Variants in DBF4 observed in about 807,000 individuals in gnomAD.
DBF4 encodes the protein protein DBF4 homolog A.
A neutral mutation model predicts 76.6 loss-of-function variants in DBF4; 25 were observed. That is an observed-to-expected ratio of 0.33 (90% CI 0.24 to 0.46). The LOEUF (loss-of-function observed/expected upper bound fraction) is 0.46, where lower values mean the gene tolerates loss of function less well. Among genes scored for constraint, DBF4 ranks in the 20% least tolerant of loss-of-function variants. The pLI is 1.00. For missense variants in DBF4, 638 were observed against 760.8 expected (o/e 0.84, Z 1.90); for synonymous variants, 213 against 258.0 (o/e 0.83, Z 1.67).
chr7:87,899,429 A>G (rs1433595040), intron 8 of DBF4, among the ~76,000 whole-genome samples: 2 of 152,206 alleles, frequency 1.3e-5, no homozygotes, highest in Non-Finnish European at 2.9e-5. Context: ...AAACAACCCA[A>G]TTTTAAAAAG....
At position 87,899,644 on chromosome 7, in the gene DBF4, C is replaced by T. The variant is rs538077952; in HGVS notation, c.681-577C>T. Among the ~76,000 whole-genome samples, 3 of 152,276 alleles carry T rather than the reference C, an allele frequency of 2.0e-5. No individual in the cohort carries two copies. The East Asian group carries it at 5.8e-4, about 29-fold the overall frequency. ...GTCCATCAGCAAATTAATGGATAAACAGTATGCAGGATGTGTGTGTACACA... is the reference window on the plus strand; with the variant it reads ...GTCCATCAGCAAATTAATGGATAAATAGTATGCAGGATGTGTGTGTACACA... On this transcript the variant is annotated intron_variant, in intron 8 of 11. Transcript: ENST00000265728.
intron 8 of DBF4, among the ~76,000 whole-genome samples, chr7:87,899,187 G>A (rs79540736): frequency 0.093 from 14,153 of 152,130 alleles, 772 homozygotes; most frequent in African/African-American, 0.15. Context: ...TTTCCTGGAC[G>A]TGACACCAAA....
rs778897531 is a variant in DBF4, at chr7:87,907,601, C to T, written c.1463C>T (p.Ala488Val). The change falls in exon 12 of 12, where the codon GCA becomes GTA. Residue 488 changes from alanine (A) to valine (V), a missense_variant. Ala to Val is a moderately conservative substitution (Grantham distance 64). Transcript: ENST00000265728. ...GATCACTATAAATGTAACATACAGG[C>T]ATCTGTACATGTTTCTGATTTCAGT... ...RVDHYKCNIQ[A>V]SVHVSDFSTD... 4.3e-6 allele frequency: 7 copies of T among 1,613,974 alleles called. No individual in the cohort carries two copies. In the South Asian group the frequency reaches 7.7e-5, roughly 18 times the overall value.
intron 6 of DBF4, among the ~76,000 whole-genome samples, chr7:87,894,639 T>A (rs2131061994): frequency 6.6e-6 from 1 of 152,294 alleles, no homozygotes; most frequent in South Asian, 2.1e-4. Flanking sequence ...CACAAGGAAT[T>A]CTCTGAGATA....
intron 10 of DBF4, among the ~76,000 whole-genome samples, chr7:87,903,282 G>A (rs778151187): frequency 6.6e-6 from 1 of 152,136 alleles, no homozygotes; most frequent in Non-Finnish European, 1.5e-5. Context: ...ATTTCACCGT[G>A]TTGGCCAGGA....
Position 87,881,056 on chromosome 7 carries a change from T to C in DBF4, c.219+2831T>C, listed in dbSNP as rs372319115. Reference sequence around the variant, plus strand: ...TAATACATTGAAGACCCTGGTAAAATTGATTCAACAAATGTTTGAGTATGA... The same window carrying C: ...TAATACATTGAAGACCCTGGTAAAACTGATTCAACAAATGTTTGAGTATGA... On this transcript the variant is annotated intron_variant, in intron 2 of 11. Coordinates refer to ENST00000265728, the MANE Select transcript of DBF4 (RefSeq NM_006716.4). Among the ~76,000 whole-genome samples the C allele has an allele frequency of 6.6e-5, 10 of 152,356 alleles. No homozygotes were observed. The East Asian group carries it at 1.7e-3, about 26-fold the overall frequency.
chr7:87,905,664 T>G, intron 11 of DBF4, among the ~76,000 whole-genome samples: 1 of 152,312 alleles, frequency 6.6e-6, no homozygotes, highest in East Asian at 1.9e-4. Flanking sequence ...AAGTTAGTCT[T>G]TATTCTTAGA....
At chr7:87,878,761 T>C (rs1296591770) in intron 2 of DBF4, among the ~76,000 whole-genome samples, 1 of 152,188 alleles carries the variant, frequency 6.6e-6, no homozygotes, top group Non-Finnish European at 1.5e-5. Context: ...ATTAGAAAAC[T>C]CAGGCAAAAT....
chr7:87,888,356 A>T (rs953530481), intron 6 of DBF4: 1 of 963,996 alleles, frequency 1.0e-6, no homozygotes, highest in Non-Finnish European at 1.2e-6. Flanking sequence ...CCTGTTGTAT[A>T]AACGTTCCTA....
chr7:87,893,533 C>G (rs1040279352), intron 6 of DBF4, among the ~76,000 whole-genome samples: 47 of 152,208 alleles, frequency 3.1e-4, no homozygotes, highest in Admixed American at 6.5e-5. Flanking sequence ...GCGTGAGCCA[C>G]CGCGCCCGGC....
chr7:87,887,279 C>T (rs1839379946), intron 4 of DBF4, 50 bp from the exon 5 acceptor site: 1 of 1,282,368 alleles, frequency 7.8e-7, no homozygotes, highest in East Asian at 2.5e-5. Context: ...TAAAATTTAG[C>T]TCATCTTAAA....
intron 10 of DBF4, among the ~76,000 whole-genome samples, chr7:87,903,493 G>A (rs1053680193): frequency 6.6e-5 from 10 of 152,004 alleles, no homozygotes; most frequent in Non-Finnish European, 1.5e-4. Context: ...TACGAATCTT[G>A]GCTTTTTTAG....
intron 7 of DBF4, among the ~76,000 whole-genome samples, chr7:87,897,001 T>G (rs1313611358): frequency 6.6e-6 from 1 of 152,200 alleles, no homozygotes; most frequent in Non-Finnish European, 1.5e-5. Flanking sequence ...TAAATTTCAG[T>G]TTGAGGTTAG....
intron 6 of DBF4, among the ~76,000 whole-genome samples, chr7:87,888,965 A>G (rs944155612): frequency 6.6e-6 from 1 of 152,234 alleles, no homozygotes. Flanking sequence ...TAATAAACTG[A>G]TAAGAGTGTA....
chr7:87,876,657 G>T lies in DBF4; in HGVS notation c.-76G>T. ...GAGGCGGCCGTCCTGTCAACAGGCC[G>T]GGGGAAGCCGTGCTTTCGCGGCTGC... On this transcript the variant is annotated 5_prime_UTR_variant, in exon 1 of 12. Transcript: ENST00000265728. 1.3e-6 allele frequency: 2 copies of T among 1,538,900 alleles called. No homozygotes were observed. Among genetic ancestry groups the T allele is most frequent in the East Asian group, 4.6e-5 (2 of 43,742 alleles).
At chr7:87,880,963 G>T (rs1034252164) in intron 2 of DBF4, among the ~76,000 whole-genome samples, 1 of 152,146 alleles carries the variant, frequency 6.6e-6, no homozygotes, top group East Asian at 1.9e-4. Flanking sequence ...TGTTCGTCAT[G>T]ATCACCTTGA....
In DBF4 at chr7:87,906,158, AAAAAAAC is replaced by A. The variant is rs542045561; in HGVS notation, c.1050-1016_1050-1010del. 3.6e-3 allele frequency among the ~76,000 whole-genome samples: 555 copies of A among 152,106 alleles called. 5 individuals are homozygous for A. The highest frequency in any genetic ancestry group is 0.013 in the African/African-American group (528 of 41,468). The stretch of plus-strand genomic sequence containing the variant: ...GGTTGACAGAGAGACTCTGTCTCAA[AAAAAAAC>A]AAAAAACAAAAAAACTATGTGGGCT... On this transcript the variant is annotated intron_variant, in intron 11 of 11. Transcript: ENST00000265728.
chr7:87,898,431 G>A (rs1839692331), intron 8 of DBF4, among the ~76,000 whole-genome samples: 1 of 152,062 alleles, frequency 6.6e-6, no homozygotes, highest in African/African-American at 2.4e-5. Flanking sequence ...TGCAGAAATA[G>A]TAAAAACGTA....
chr7:87,884,525 CTT>C (rs1322416326), intron 2 of DBF4, among the ~76,000 whole-genome samples: 2 of 152,180 alleles, frequency 1.3e-5, no homozygotes, highest in Non-Finnish European at 2.9e-5. Flanking sequence ...AGTCACCTCT[CTT>C]CACTTTTTAT....
Sources: gnomAD v4.1 joint callset for allele counts (sites outside exome capture counted in the v4.1 genomes callset) on GRCh38, gnomAD v4.1.1 for gene constraint, MANE v1.5 for transcripts, NCBI Gene and HGNC (gene_info 2026-07-23, HGNC 2026-07-21) for gene names.